Variants in SYT17 observed in about 807,000 individuals in gnomAD.
The protein encoded by SYT17 is synaptotagmin-17.
In SYT17, 22 loss-of-function variants were observed where a neutral mutation model predicts 46.7. The ratio of observed to expected loss-of-function variants is 0.47; its 90% CI spans 0.34 to 0.67. SYT17 has a LOEUF of 0.67. Ranked by LOEUF, SYT17 falls within the 30% of genes least tolerant of loss-of-function variation. The pLI, the probability that SYT17 is intolerant of heterozygous loss-of-function variation, is 0.01. For synonymous variants in SYT17, 251 were observed against 248.4 expected, an observed-to-expected ratio of 1.01 and a Z score of -0.10; for missense variants, 519 against 612.8, an observed-to-expected ratio of 0.85 and a Z score of 1.62.
intron 5 of SYT17, among the ~76,000 whole-genome samples, chr16:19,209,398 A>G (rs1965802919): frequency 6.6e-6 from 1 of 152,222 alleles, no homozygotes; most frequent in African/African-American, 2.4e-5. Flanking sequence ...GTAGCTGATA[A>G]CACAACAAGG....
At position 19,168,567 on chromosome 16, in the gene SYT17, C is replaced by T; in HGVS notation, c.-80C>T. 2.6e-6 allele frequency: 4 copies of T among 1,538,018 alleles called. No homozygotes were observed. The highest frequency in any genetic ancestry group is 3.5e-6 in the Non-Finnish European group (4 of 1,138,884). The stretch of plus-strand genomic sequence containing the variant: ...TTTTCTTCCTTTCCCCCTTTGCTTT[C>T]TTCCCCCTCCGCTGTTGGCGAGGGC... On this transcript the variant is annotated 5_prime_UTR_variant, in exon 1 of 8. Coordinates refer to ENST00000355377, the MANE Select transcript of SYT17 (RefSeq NM_016524.4). This position sits in a 1 kb window ranked among gnomAD's most constrained non-coding sequence, Gnocchi z 6.9.
intron 7 of SYT17, among the ~76,000 whole-genome samples, chr16:19,238,627 T>C (rs1257730309): frequency 6.6e-6 from 1 of 152,242 alleles, no homozygotes; most frequent in Non-Finnish European, 1.5e-5. Flanking sequence ...TCCACTTGAA[T>C]GGCTGTTTAA....
At chr16:19,203,955 T>C (rs930246457) in intron 5 of SYT17, among the ~76,000 whole-genome samples, 5 of 152,038 alleles carry the variant, frequency 3.3e-5, no homozygotes, top group Non-Finnish European at 7.4e-5. Flanking sequence ...AGCTGGGGAA[T>C]GAAAAGCCTC....
rs1231914945 is a variant in SYT17 at position 19,267,149 on chromosome 16, A to G, written c.*73A>G. On this transcript the variant is annotated 3_prime_UTR_variant, in exon 8 of 8. Coordinates refer to ENST00000355377, the MANE Select transcript of SYT17 (RefSeq NM_016524.4). ...GACGGAAAAAAATGTGTCACATACT[A>G]TTACATCCACACCTGCATACACACT... 8 of 1,361,868 alleles carry G rather than the reference A, an allele frequency of 5.9e-6. No homozygotes were observed. The African/African-American group carries it at 1.2e-4, about 20-fold the overall frequency. 84.4% of individuals were successfully genotyped at this position (1,361,868 alleles called of 1,614,324 possible). A position where few individuals can be genotyped will look rare whatever the true frequency, so the allele number is the denominator to read the frequency against.
At chr16:19,215,036 C>T (rs998117082) in intron 5 of SYT17, among the ~76,000 whole-genome samples, 4 of 152,168 alleles carry the variant, frequency 2.6e-5, no homozygotes, top group Admixed American at 2.0e-4. Flanking sequence ...GATCTGCCTG[C>T]CTCGGCCTCC....
chr16:19,175,645 CAAAAAAAAAAAAA>C (rs34788366), intron 3 of SYT17, among the ~76,000 whole-genome samples: 1 of 67,788 alleles, frequency 1.5e-5, no homozygotes, highest in Admixed American at 1.8e-4. Flanking sequence ...AGCAAGACTT[CAAAAAAAAAAAAA>C]AAAAAAAAAG....
Position 19,168,521 on chromosome 16 carries a change from G to T in SYT17, c.-126G>T, listed in dbSNP as rs1963952873. 3.6e-6 allele frequency: 5 copies of T among 1,390,326 alleles called. No individual in the cohort carries two copies. The highest frequency in any genetic ancestry group is 3.9e-6 in the Non-Finnish European group (4 of 1,016,210). 86.1% of individuals were successfully genotyped at this position (1,390,326 alleles called of 1,614,324 possible). A position where few individuals can be genotyped will look rare whatever the true frequency, so the allele number is the denominator to read the frequency against. On this transcript the variant is annotated 5_prime_UTR_variant, in exon 1 of 8. Coordinates refer to ENST00000355377, the MANE Select transcript of SYT17 (RefSeq NM_016524.4). The surrounding 1 kb of genome is among the most constrained non-coding windows in gnomAD (Gnocchi z 6.9). ...GCCGCTCATCAGCCACGCCAGTCAC[G>T]TCTGGGGCCACCGGCTGCCTTTTTC...
intron 5 of SYT17, among the ~76,000 whole-genome samples, chr16:19,218,303 C>T (rs963158378): frequency 4.6e-5 from 7 of 152,154 alleles, no homozygotes; most frequent in Admixed American, 4.6e-4. Context: ...CTCTTTTTTA[C>T]TTTCTATCAA....
chr16:19,193,639 G>A (rs1258746399), intron 5 of SYT17, among the ~76,000 whole-genome samples: 1 of 152,170 alleles, frequency 6.6e-6, no homozygotes, highest in African/African-American at 2.4e-5. Context: ...AAAGATTTGA[G>A]TGCTTGCATT....
chr16:19,206,033 G>A (rs1596949421), intron 5 of SYT17, among the ~76,000 whole-genome samples: 1 of 152,278 alleles, frequency 6.6e-6, no homozygotes, highest in South Asian at 2.1e-4. Context: ...AAAAAAAGAA[G>A]GCGTAGGCAG....
chr16:19,246,828 G>A (rs767318144), intron 7 of SYT17, among the ~76,000 whole-genome samples: 50 of 152,196 alleles, frequency 3.3e-4, no homozygotes, highest in Non-Finnish European at 6.2e-4. Context: ...CTGCGGCTAT[G>A]ACAGTGAGCA....
chr16:19,192,059 A>T lies in SYT17; in HGVS notation c.951+7912A>T, dbSNP rs551116466. On this transcript the variant is annotated intron_variant, in intron 5 of 7. Coordinates refer to ENST00000355377, the MANE Select transcript of SYT17 (RefSeq NM_016524.4). ...TTGGCTCCCAAAGTGTTGGGATTAC[A>T]GGCGCGAGCCACCGCGCGGCCGCAC... Among the ~76,000 whole-genome samples the T allele has an allele frequency of 2.6e-5, 4 of 152,354 alleles. No individual in the cohort carries two copies. In the East Asian group the frequency reaches 7.7e-4, roughly 29 times the overall value.
intron 7 of SYT17, among the ~76,000 whole-genome samples, chr16:19,239,126 G>GA (rs1480377953): frequency 6.6e-6 from 1 of 151,972 alleles, no homozygotes; most frequent in Non-Finnish European, 1.5e-5. Context: ...AAAAGTAAAT[G>GA]AAAAAAGTTA....
intron 7 of SYT17, among the ~76,000 whole-genome samples, chr16:19,229,928 A>G (rs1966621222): frequency 6.6e-6 from 1 of 152,224 alleles, no homozygotes; most frequent in Non-Finnish European, 1.5e-5. Context: ...AAGCTGGAAG[A>G]CATTATGCTA....
Position 19,183,865 on chromosome 16 carries a change from C to G in SYT17, c.669C>G (p.Asp223Glu). 1 of 1,614,214 alleles carries G rather than the reference C, an allele frequency of 6.2e-7. No homozygotes were observed. The highest frequency in any genetic ancestry group is 1.1e-5 in the South Asian group (1 of 91,086). ...TCTCCCACGATGGCTCGCGCCAGGACATGGCGCACTCCAACCCCTACGTCA... is the reference window on the plus strand; with the variant it reads ...TCTCCCACGATGGCTCGCGCCAGGAGATGGCGCACTCCAACCCCTACGTCA... Reference protein sequence around the residue: ...PPISHDGSRQDMAHSNPYVKI... With the variant: ...PPISHDGSRQEMAHSNPYVKI... The change falls in exon 5 of 8, where the codon GAC becomes GAG. Residue 223 changes from aspartate to glutamate, a missense_variant. By Grantham distance (45) the Asp-to-Glu change is conservative. Transcript: ENST00000355377. The surrounding 1 kb of genome is among the most constrained non-coding windows in gnomAD (Gnocchi z 5.6).
intron 5 of SYT17, among the ~76,000 whole-genome samples, chr16:19,187,260 T>C (rs1964824904): frequency 6.6e-6 from 1 of 152,130 alleles, no homozygotes. Flanking sequence ...TAGGCTGGTC[T>C]CCAACTCCTA....
At chr16:19,185,895 G>A (rs1964768705) in intron 5 of SYT17, among the ~76,000 whole-genome samples, 1 of 152,218 alleles carries the variant, frequency 6.6e-6, no homozygotes, top group Non-Finnish European at 1.5e-5. Context: ...GCACTAAGCG[G>A]TAATCACACC....
chr16:19,247,454 C>G (rs1331020205), intron 7 of SYT17, among the ~76,000 whole-genome samples: 1 of 152,160 alleles, frequency 6.6e-6, no homozygotes, highest in East Asian at 1.9e-4. Flanking sequence ...AATGACACAT[C>G]CTTGCCCCAA....
intron 3 of SYT17, among the ~76,000 whole-genome samples, chr16:19,175,869 G>A (rs74776319): frequency 0.026 from 3,902 of 152,220 alleles, 157 homozygotes; most frequent in East Asian, 0.21. Flanking sequence ...GTTAATCTCA[G>A]TTCCTTTTGT....
Sources: gnomAD v4.1 joint callset for allele counts (sites outside exome capture counted in the v4.1 genomes callset) on GRCh38, gnomAD v4.1.1 for gene constraint, Gnocchi (gnomAD v3.1) non-coding constraint, MANE v1.5 for transcripts, NCBI Gene and HGNC (gene_info 2026-07-23, HGNC 2026-07-21) for gene names.